Variants in CREB1 observed in about 807,000 individuals in gnomAD.
CREB1 encodes the protein cAMP responsive element binding protein 1, also known as cyclic AMP-responsive element-binding protein 1.
In CREB1, 2 loss-of-function variants were observed where a neutral mutation model predicts 42.0. The ratio of observed to expected loss-of-function variants is 0.05; its 90% CI spans 0.02 to 0.15. CREB1 has a LOEUF of 0.15. Among genes scored for constraint, CREB1 ranks in the 10% least tolerant of loss-of-function variants. The pLI, the probability that CREB1 is intolerant of heterozygous loss-of-function variation, is 1.00. For missense variants in CREB1, 199 were observed against 388.9 expected (o/e 0.51, Z 4.11); for synonymous variants, 123 against 139.9 (o/e 0.88, Z 0.85).
At position 207,590,083 on chromosome 2, in the gene CREB1, GTT is replaced by G. The variant is rs59126515; in HGVS notation, c.840-6808_840-6807del. 7.9e-5 allele frequency among the ~76,000 whole-genome samples: 6 copies of G among 76,152 alleles called. No individual in the cohort carries two copies. The South Asian group carries it at 2.3e-3, about 29-fold the overall frequency. The allele number at this position is 76,152 out of a possible 152,430, so 50.0% of individuals were successfully genotyped here. A position where few individuals can be genotyped will look rare whatever the true frequency, so the allele number is the denominator to read the frequency against. ...GGCCTGGAGTTTTCTATTTTGAGAA[GTT>G]TTTTTTTTTTTTTTTTTTTTTTAAT... On this transcript the variant is annotated intron_variant, in intron 7 of 7. Transcript: ENST00000353267.
chr2:207,593,335 G>C (rs1204637928), intron 7 of CREB1, among the ~76,000 whole-genome samples: 1 of 152,114 alleles, frequency 6.6e-6, no homozygotes, highest in Non-Finnish European at 1.5e-5. Context: ...AGACCTGTTT[G>C]GAAAACATAG....
At chr2:207,552,710 A>G (rs1365553495) in intron 1 of CREB1, among the ~76,000 whole-genome samples, 2 of 151,782 alleles carry the variant, frequency 1.3e-5, no homozygotes, top group Non-Finnish European at 2.9e-5. Context: ...GGTTCAAGCA[A>G]TTCTCCTGCC....
intron 7 of CREB1, among the ~76,000 whole-genome samples, chr2:207,589,534 C>T (rs148431961): frequency 6.6e-6 from 1 of 152,296 alleles, no homozygotes; most frequent in African/African-American, 2.4e-5. Flanking sequence ...TCACACACTG[C>T]AGAGATTAGT....
At chr2:207,563,730 G>T (rs1000756904) in intron 3 of CREB1, among the ~76,000 whole-genome samples, 12 of 152,148 alleles carry the variant, frequency 7.9e-5, no homozygotes, top group Admixed American at 2.0e-4. Flanking sequence ...GATCACTTGA[G>T]CTCAGGAGTT....
chr2:207,542,154 A>G (rs1031812439), intron 1 of CREB1, among the ~76,000 whole-genome samples: 6 of 152,138 alleles, frequency 3.9e-5, no homozygotes, highest in Admixed American at 6.5e-5. Context: ...ACTTGCCTTC[A>G]TTTCTCTGAG....
intron 1 of CREB1, among the ~76,000 whole-genome samples, 199 bp downstream of exon 1, chr2:207,530,333 C>T (rs2080539885): frequency 6.7e-6 from 1 of 149,178 alleles, no homozygotes; most frequent in Non-Finnish European, 1.5e-5. Flanking sequence ...CTGGAGCCAG[C>T]GGCGGCCGGG....
At chr2:207,568,757 T>G (rs990294682) in intron 4 of CREB1, among the ~76,000 whole-genome samples, 1 of 152,152 alleles carries the variant, frequency 6.6e-6, no homozygotes, top group Non-Finnish European at 1.5e-5. Flanking sequence ...AGTGTGATTA[T>G]GTTATTCATT....
intron 1 of CREB1, among the ~76,000 whole-genome samples, chr2:207,541,219 CA>C (rs921400008): frequency 2.3e-3 from 324 of 139,962 alleles, no homozygotes; most frequent in Non-Finnish European, 3.1e-3. Flanking sequence ...GACTCCATCT[CA>C]AAAAAAAAAA....
At chr2:207,586,819 G>T (rs2083926567) in intron 7 of CREB1, among the ~76,000 whole-genome samples, 1 of 152,168 alleles carries the variant, frequency 6.6e-6, no homozygotes, top group African/African-American at 2.4e-5. Context: ...ATTACTAATT[G>T]TCAGATTAAA....
intron 4 of CREB1, 161 bp downstream of exon 4, chr2:207,567,724 A>G (rs965649377): frequency 2.3e-5 from 11 of 483,842 alleles, no homozygotes; most frequent in East Asian, 9.6e-5. Flanking sequence ...AGCTTATCCT[A>G]CAGAATAAGA....
chr2:207,591,735 C>T (rs1352918461), intron 7 of CREB1, among the ~76,000 whole-genome samples: 2 of 152,020 alleles, frequency 1.3e-5, no homozygotes, highest in Non-Finnish European at 2.9e-5. Context: ...TCCCAGCCTC[C>T]TTTTGATTAG....
chr2:207,582,920 T>A lies in CREB1; in HGVS notation c.839+5265T>A, dbSNP rs183982204. On this transcript the variant is annotated intron_variant, in intron 7 of 7. Transcript: ENST00000353267. ...AAACAAACAAACAAACAAAAAAAAA[T>A]ATATATATATACATACACACACACA... is the stretch of plus-strand genomic sequence containing the variant. 2.2e-3 allele frequency: 589 copies of A among 266,846 alleles called. 6 individuals are homozygous for A. The highest frequency in any genetic ancestry group is 7.8e-3 in the African/African-American group (337 of 42,956). The allele number at this position is 266,846 out of a possible 1,614,324, so 16.5% of individuals were successfully genotyped here. A position where few individuals can be genotyped will look rare whatever the true frequency, so the allele number is the denominator to read the frequency against.
chr2:207,587,578 A>G lies in CREB1; in HGVS notation c.840-9336A>G, dbSNP rs78905117. 2.8e-3 allele frequency among the ~76,000 whole-genome samples: 434 copies of G among 152,302 alleles called. 7 individuals are homozygous for G. The East Asian group carries it at 0.029, about 10-fold the overall frequency. On this transcript the variant is annotated intron_variant, in intron 7 of 7. Coordinates refer to ENST00000353267, the MANE Select transcript of CREB1 (RefSeq NM_004379.5). ...CATATGAATGGATAAAGAAAATTGC[A>G]GTATATATACACAGTGGTATACTGT... is the stretch of plus-strand genomic sequence containing the variant.
rs1275607074 is a variant in CREB1 at position 207,580,651 on chromosome 2, C to T, written c.839+2996C>T. 3 of 219,840 alleles carry T rather than the reference C, an allele frequency of 1.4e-5. 1 individual carries two copies. In the Admixed American group the frequency reaches 1.7e-4, roughly 13 times the overall value. The allele number at this position is 219,840 out of a possible 1,614,324, so 13.6% of individuals were successfully genotyped here. A position where few individuals can be genotyped will look rare whatever the true frequency, so the allele number is the denominator to read the frequency against. On this transcript the variant is annotated intron_variant, in intron 7 of 7. Coordinates refer to ENST00000353267, the MANE Select transcript of CREB1 (RefSeq NM_004379.5). ...AAAAATTCATCACTATCCAAATTGC[C>T]ATTTATTTCAAGATGAAGGTAAGTG...
At chr2:207,592,911 C>CAAAAAAGAAAAAAAAAAAGAAA (rs146008919) in intron 7 of CREB1, among the ~76,000 whole-genome samples, 3 of 145,122 alleles carry the variant, frequency 2.1e-5, no homozygotes, top group South Asian at 2.2e-4. Flanking sequence ...GACTCCATCT[C>CAAAAAAGAAAAAAAAAAAGAAA]AAAAAAGAAA....
chr2:207,591,349 T>A (rs1190046312), intron 7 of CREB1, among the ~76,000 whole-genome samples: 1 of 152,220 alleles, frequency 6.6e-6, no homozygotes, highest in Non-Finnish European at 1.5e-5. Context: ...TTATATAATG[T>A]CTTTCTTTAT....
At chr2:207,595,050 C>T (rs1028669336) in intron 7 of CREB1, among the ~76,000 whole-genome samples, 3 of 145,146 alleles carry the variant, frequency 2.1e-5, no homozygotes, top group African/African-American at 7.7e-5. Context: ...AGGTAGAGTG[C>T]CGTGGTGCAA....
chr2:207,546,418 A>G (rs1403204440), intron 1 of CREB1, among the ~76,000 whole-genome samples: 2 of 152,146 alleles, frequency 1.3e-5, no homozygotes, highest in African/African-American at 4.8e-5. Context: ...AGTGAACCGT[A>G]AGATTAAAAA....
chr2:207,602,816 G>A lies in CREB1; in HGVS notation c.*5758G>A, dbSNP rs2087319031. ...GTATAGATTTATTAGGGGTGGCAAA[G>A]AAGAGTGCTAGTTAGCAGTTTTCCA... On this transcript the variant is annotated 3_prime_UTR_variant, in exon 8 of 8. Transcript: ENST00000353267. 9.2e-6 allele frequency: 2 copies of A among 218,390 alleles called. No homozygotes were observed. The highest frequency in any genetic ancestry group is 1.8e-5 in the Non-Finnish European group (2 of 108,748). The allele number at this position is 218,390 out of a possible 1,614,324, so 13.5% of individuals were successfully genotyped here. A position where few individuals can be genotyped will look rare whatever the true frequency, so the allele number is the denominator to read the frequency against.
Sources: gnomAD v4.1 joint callset for allele counts (sites outside exome capture counted in the v4.1 genomes callset) on GRCh38, gnomAD v4.1.1 for gene constraint, MANE v1.5 for transcripts, NCBI Gene and HGNC (gene_info 2026-07-23, HGNC 2026-07-21) for gene names.